NEK5: variants seen among roughly 807,000 people sequenced by gnomAD.
NEK5 encodes NIMA related kinase 5.
In NEK5, 88 loss-of-function variants were observed where a neutral mutation model predicts 109.2. That is an observed-to-expected ratio of 0.81 (90% confidence interval 0.68 to 0.96). The LOEUF is 0.96. Among genes scored for constraint, NEK5 ranks in the 40% least tolerant of loss-of-function variants. The pLI, the probability that NEK5 is intolerant of heterozygous loss-of-function variation, is 0.00. For synonymous variants in NEK5, 283 were observed against 299.9 expected, an observed-to-expected ratio of 0.94 and a Z score of 0.58; for missense variants, 834 against 920.7, an observed-to-expected ratio of 0.91 and a Z score of 1.22.
intron 9 of NEK5, 129 bp downstream of exon 9, chr13:52,104,369 T>A (rs886644186): frequency 1.3e-6 from 1 of 741,176 alleles, no homozygotes; most frequent in African/African-American, 1.8e-5. Context: ...CTATCATTAT[T>A]TTAAGTAGCT....
In NEK5 at chr13:52,060,701, C is replaced by T. The variant is rs187005609; in HGVS notation, c.2110+1118G>A. 3.9e-5 allele frequency among the ~76,000 whole-genome samples: 6 copies of T among 152,206 alleles called. No homozygotes were observed. In the East Asian group the frequency reaches 1.2e-3, roughly 29 times the overall value. ...AATATCTAGTACCTTAGTTTTTCTA[C>T]TTGTTTTTCAACCTCACTTCACCAC... On this transcript the variant is annotated intron_variant, in intron 22 of 23. Transcript: ENST00000684899.
intron 13 of NEK5, among the ~76,000 whole-genome samples, 186 bp from the exon 14 acceptor site, chr13:52,089,499 A>C (rs1282255966): frequency 6.6e-6 from 1 of 152,198 alleles, no homozygotes; most frequent in Admixed American, 6.5e-5. Context: ...AATCAAAAGG[A>C]AAAAAGGATG....
At chr13:52,072,468 A>G (rs962991981) in intron 19 of NEK5, among the ~76,000 whole-genome samples, 8 of 152,210 alleles carry the variant, frequency 5.3e-5, no homozygotes, top group African/African-American at 1.9e-4. Context: ...CAAAATGACC[A>G]CTTCTGTTTC....
At chr13:52,109,489 C>T (rs184077074) in intron 7 of NEK5, among the ~76,000 whole-genome samples, 2 of 152,066 alleles carry the variant, frequency 1.3e-5, no homozygotes, top group East Asian at 1.9e-4. Context: ...TTGAAATAGT[C>T]CTGCAAAGGT....
intron 17 of NEK5, among the ~76,000 whole-genome samples, chr13:52,080,220 G>T (rs1453639231): frequency 7.2e-6 from 1 of 139,838 alleles, no homozygotes; most frequent in Non-Finnish European, 1.6e-5. Flanking sequence ...GAGGTGGGGG[G>T]GGGTCAGCCC....
At chr13:52,067,510 A>G (rs1325300460) in intron 20 of NEK5, among the ~76,000 whole-genome samples, 3 of 152,074 alleles carry the variant, frequency 2.0e-5, no homozygotes, top group Non-Finnish European at 4.4e-5. Context: ...GGCCTCTAGC[A>G]AATAGTTCCT....
chr13:52,046,329 T>C (rs1162267515), intron 23 of NEK5, among the ~76,000 whole-genome samples: 1 of 131,012 alleles, frequency 7.6e-6, no homozygotes. Context: ...AAAAAAAAAA[T>C]AGCTGGGCAT....
intron 22 of NEK5, among the ~76,000 whole-genome samples, chr13:52,059,419 G>A (rs369053928): frequency 2.5e-5 from 3 of 117,664 alleles, no homozygotes; most frequent in Admixed American, 9.4e-5. Flanking sequence ...ATCTAGAACT[G>A]GAAATACCAT....
chr13:52,061,464 A>G (rs1183051919), intron 22 of NEK5, among the ~76,000 whole-genome samples: 1 of 152,212 alleles, frequency 6.6e-6, no homozygotes, highest in African/African-American at 2.4e-5. Context: ...TTGTATTTTT[A>G]TTGTCCATGG....
intron 23 of NEK5, among the ~76,000 whole-genome samples, chr13:52,043,324 G>A (rs1954429446): frequency 6.6e-6 from 1 of 151,810 alleles, no homozygotes; most frequent in African/African-American, 2.4e-5. Flanking sequence ...GAATCACAAG[G>A]TCAGGAGTTC....
At chr13:52,090,023 C>T (rs1955245261) in intron 13 of NEK5, among the ~76,000 whole-genome samples, 1 of 152,104 alleles carries the variant, frequency 6.6e-6, no homozygotes, top group African/African-American at 2.4e-5. Flanking sequence ...CTGTTTCCTG[C>T]ACCACATACT....
chr13:52,124,168 T>C (rs1956021780), intron 3 of NEK5, among the ~76,000 whole-genome samples: 1 of 152,148 alleles, frequency 6.6e-6, no homozygotes, highest in Non-Finnish European at 1.5e-5. Context: ...TGGTGGCGCA[T>C]GCCTGCAGTC....
At chr13:52,066,664 C>T (rs1037809217) in intron 20 of NEK5, among the ~76,000 whole-genome samples, 2 of 151,850 alleles carry the variant, frequency 1.3e-5, no homozygotes, top group African/African-American at 4.8e-5. Flanking sequence ...ATTAGCTGGG[C>T]GTGGTAGCGG....
At chr13:52,075,893 T>C (rs1954859203) in intron 18 of NEK5, 67 bp from the exon 19 acceptor site, 1 of 1,091,578 alleles carries the variant, frequency 9.2e-7, no homozygotes, top group East Asian at 2.5e-5. Context: ...TACAACTCCC[T>C]AGGTCAATTT....
chr13:52,117,001 C>G (rs1392008447), intron 4 of NEK5, among the ~76,000 whole-genome samples: 2 of 152,092 alleles, frequency 1.3e-5, no homozygotes, highest in Non-Finnish European at 2.9e-5. Flanking sequence ...TCACTGCAAC[C>G]TCTGCCTCCC....
intron 20 of NEK5, among the ~76,000 whole-genome samples, chr13:52,068,706 C>T (rs12870757): frequency 0.021 from 3,238 of 152,264 alleles, 84 homozygotes; most frequent in Admixed American, 0.084. Context: ...TGGTGGCTCA[C>T]GCCTGTAATC....
At position 52,034,713 on chromosome 13, in the gene NEK5, T is replaced by C. The variant is rs1192539755; in HGVS notation, c.*2235A>G. The C allele has an allele frequency of 3.4e-5, 5 of 148,234 alleles. No individual in the cohort carries two copies. The highest frequency in any genetic ancestry group is 2.0e-4 in the Admixed American group (3 of 14,854). 9.2% of individuals were successfully genotyped at this position (148,234 alleles called of 1,614,324 possible). On this transcript the variant is annotated 3_prime_UTR_variant, in exon 24 of 24. Transcript: ENST00000684899. ...GCTAATTCTTTTTTTTTTTTTTTTT[T>C]TTCTGAGGGGTGGATAGAGATGGGT...
chr13:52,054,630 G>T (rs979559941), intron 22 of NEK5, among the ~76,000 whole-genome samples: 2 of 152,330 alleles, frequency 1.3e-5, no homozygotes, highest in South Asian at 4.1e-4. Context: ...TCCTCAAGTG[G>T]GTCCCTGACC....
At chr13:52,052,262 G>C (rs183736059) in intron 22 of NEK5, among the ~76,000 whole-genome samples, 2 of 152,286 alleles carry the variant, frequency 1.3e-5, no homozygotes, top group Admixed American at 1.3e-4. Flanking sequence ...CTTTGTCACA[G>C]ACGCATCTGT....
Sources: gnomAD v4.1 joint callset for allele counts (sites outside exome capture counted in the v4.1 genomes callset) on GRCh38, gnomAD v4.1.1 for gene constraint, MANE v1.5 for transcripts, NCBI Gene and HGNC (gene_info 2026-07-23, HGNC 2026-07-21) for gene names.